GSE1: variants seen among roughly 807,000 people sequenced by gnomAD.
The protein encoded by GSE1 is genetic suppressor element 1.
Under a neutral mutation model 112.6 loss-of-function variants are expected in GSE1, and 32 were observed. That is an observed-to-expected ratio of 0.28 (90% CI 0.21 to 0.38). The LOEUF is 0.38. Ranked by LOEUF, GSE1 falls within the 10% of genes least tolerant of loss-of-function variation. The probability of loss-of-function intolerance (pLI) is 1.00; values close to 1 mark genes in which losing one functional copy is unlikely to be tolerated. For missense variants in GSE1, 2,348 were observed against 1,699.2 expected (o/e 1.38, Z -6.71); for synonymous variants, 1,115 against 735.6 (o/e 1.52, Z -8.35).
chr16:85,331,691 A>G (rs538669962), intron 1 of GSE1, among the ~76,000 whole-genome samples: 1 of 50,686 alleles, frequency 2.0e-5, no homozygotes, highest in Non-Finnish European at 4.0e-5. Context: ...GTGTGTATAT[A>G]TATATATATA....
intron 2 of GSE1, among the ~76,000 whole-genome samples, chr16:85,426,380 G>A (rs1046781836): frequency 6.7e-6 from 1 of 148,288 alleles, no homozygotes; most frequent in African/African-American, 2.5e-5. Flanking sequence ...ATGAATGGAT[G>A]ATAGATGGTG....
rs35869664 is a variant in GSE1, at chr16:85,648,568, C to T, written c.243C>T (p.Ser81=). ...CCTCCACAGGGTCCTCACTGAGCAG[C>T]GAGTCGTCCCCCGTGTCCTCTCCGG... ...AEEPRGSSLS[S]ESSPVSSPAT... is the part of the protein sequence containing the mutation. The change falls in exon 3 of 16, where the codon AGC becomes AGT. Residue 81 remains serine, a synonymous_variant. Coordinates refer to ENST00000253458, the MANE Select transcript of GSE1 (RefSeq NM_014615.5). The T allele has an allele frequency of 1.1e-3, 1,774 of 1,570,064 alleles. 2 individuals are homozygous for T. Among genetic ancestry groups the T allele is most frequent in the Admixed American group, 2.2e-3 (120 of 54,624 alleles).
intron 1 of GSE1, among the ~76,000 whole-genome samples, chr16:85,176,015 G>T (rs941233687): frequency 2.6e-5 from 4 of 151,236 alleles, no homozygotes; most frequent in East Asian, 3.9e-4. Flanking sequence ...TTGAGACAGG[G>T]TCTCACTCTG....
chr16:85,538,104 A>G (rs2044394585), intron 2 of GSE1, among the ~76,000 whole-genome samples: 1 of 152,206 alleles, frequency 6.6e-6, no homozygotes, highest in Non-Finnish European at 1.5e-5. Flanking sequence ...GCCGTAGCTG[A>G]ATCAGGAGAC....
chr16:85,631,410 G>A (rs919847657), intron 1 of GSE1, among the ~76,000 whole-genome samples: 3 of 152,268 alleles, frequency 2.0e-5, no homozygotes, highest in Non-Finnish European at 2.9e-5. Context: ...GTGGCCCTCT[G>A]CCGAAGGTGT....
chr16:85,193,533 C>T (rs1414820582), intron 1 of GSE1, among the ~76,000 whole-genome samples: 2 of 152,106 alleles, frequency 1.3e-5, no homozygotes, highest in Admixed American at 6.5e-5. Flanking sequence ...GACCTCAGCT[C>T]ACTGCAACCT....
At chr16:85,319,282 G>A (rs74031789) in intron 1 of GSE1, among the ~76,000 whole-genome samples, 7,640 of 152,266 alleles carry the variant, frequency 0.05, 337 homozygotes, top group African/African-American at 0.12. Context: ...ACTTGCGATC[G>A]GTGCCAGGGC....
intron 2 of GSE1, among the ~76,000 whole-genome samples, chr16:85,403,034 C>A (rs1442077126): frequency 2.6e-5 from 4 of 152,142 alleles, no homozygotes; most frequent in Admixed American, 6.5e-5. Context: ...ATCAGCCTTC[C>A]CCAGCTGAAG....
chr16:85,238,213 C>T (rs905715018), intron 1 of GSE1, among the ~76,000 whole-genome samples: 11 of 152,168 alleles, frequency 7.2e-5, no homozygotes, highest in African/African-American at 2.2e-4. Flanking sequence ...AGGTTCTCCC[C>T]ACACACGGGG....
intron 1 of GSE1, among the ~76,000 whole-genome samples, chr16:85,195,843 A>T (rs1195603898): frequency 6.6e-6 from 1 of 152,202 alleles, no homozygotes; most frequent in African/African-American, 2.4e-5. Flanking sequence ...GAGTTAAAAA[A>T]TAAAACAAAT....
intron 2 of GSE1, among the ~76,000 whole-genome samples, chr16:85,528,253 G>C (rs1281127938): frequency 6.6e-6 from 1 of 152,270 alleles, no homozygotes; most frequent in African/African-American, 2.4e-5. Flanking sequence ...GAAAAGCGAT[G>C]TGGGGAAGAT....
chr16:85,617,047 G>A (rs1227262177), intron 1 of GSE1, among the ~76,000 whole-genome samples: 1 of 152,110 alleles, frequency 6.6e-6, no homozygotes, highest in East Asian at 1.9e-4. Flanking sequence ...GAAACCACAC[G>A]CCATTCTCGC....
In GSE1 at chr16:85,419,348, C is replaced by A. The variant is rs116888311; in HGVS notation, c.2464+61705C>A. On this transcript the variant is annotated intron_variant, in intron 2 of 2. Transcript: ENST00000637419. This position sits in a 1 kb window ranked among gnomAD's most constrained non-coding sequence, Gnocchi z 6.5. ...TACCAGATGGCCGGGCGTGGTGGCT[C>A]GTGCCTATAATCCCAGCACTTTGGG... Among the ~76,000 whole-genome samples, 99 of 152,102 alleles carry A rather than the reference C, an allele frequency of 6.5e-4. No individual in the cohort carries two copies. Among genetic ancestry groups the A allele is most frequent in the Non-Finnish European group, 1.1e-3 (75 of 68,022 alleles).
chr16:85,271,159 G>A (rs1908791865), intron 1 of GSE1, among the ~76,000 whole-genome samples: 1 of 152,096 alleles, frequency 6.6e-6, no homozygotes, highest in Non-Finnish European at 1.5e-5. Flanking sequence ...GGGAATTGGT[G>A]TATAAATATC....
At chr16:85,502,227 G>GA (rs2051392842) in intron 2 of GSE1, among the ~76,000 whole-genome samples, 1 of 152,206 alleles carries the variant, frequency 6.6e-6, no homozygotes. Flanking sequence ...GAGCCTTGGT[G>GA]ACACCTCGTG....
chr16:85,436,643 C>T (rs896225739), intron 2 of GSE1, among the ~76,000 whole-genome samples: 2 of 152,228 alleles, frequency 1.3e-5, no homozygotes, highest in Non-Finnish European at 2.9e-5. Flanking sequence ...CAGAGAGTCC[C>T]GGGAGGCAGC....
At chr16:85,179,068 G>A (rs1271706839) in intron 1 of GSE1, among the ~76,000 whole-genome samples, 1 of 152,052 alleles carries the variant, frequency 6.6e-6, no homozygotes, top group African/African-American at 2.4e-5. Flanking sequence ...TTTCAGTGCA[G>A]TCACGAAGTT....
intron 2 of GSE1, among the ~76,000 whole-genome samples, chr16:85,488,546 C>T (rs1205493596): frequency 3.3e-5 from 5 of 151,722 alleles, no homozygotes; most frequent in African/African-American, 1.2e-4. Context: ...TGACTGGTTA[C>T]GAAATGCTCA....
intron 2 of GSE1, among the ~76,000 whole-genome samples, chr16:85,388,322 G>GTATGGCTGGGTA (rs2047744154): frequency 1.1e-5 from 1 of 93,990 alleles, no homozygotes. Context: ...ATGGATGGAT[G>GTATGGCTGGGTA]GATGGATGAA....
Sources: gnomAD v4.1 joint callset for allele counts (sites outside exome capture counted in the v4.1 genomes callset) on GRCh38, gnomAD v4.1.1 for gene constraint, Gnocchi (gnomAD v3.1) non-coding constraint, MANE v1.5 for transcripts, NCBI Gene and HGNC (gene_info 2026-07-23, HGNC 2026-07-21) for gene names.